Variants in ADAMTS18 observed in about 807,000 individuals in gnomAD.
The protein encoded by ADAMTS18 is ADAM metallopeptidase with thrombospondin type 1 motif 18.
ADAMTS18 carries 157 observed loss-of-function variants against 165.9 expected under a neutral mutation model. The ratio of observed to expected loss-of-function variants is 0.95; its 90% CI spans 0.83 to 1.08. ADAMTS18 has a LOEUF of 1.08. Ranked by LOEUF, ADAMTS18 falls within the 50% of genes least tolerant of loss-of-function variation. ADAMTS18 has a pLI of 0.00. For synonymous variants in ADAMTS18, 782 were observed against 578.2 expected (o/e 1.35, Z -5.06); for missense variants, 2,040 against 1,534.0 (o/e 1.33, Z -5.51).
At chr16:77,384,179 G>C (rs2057073539) in intron 3 of ADAMTS18, among the ~76,000 whole-genome samples, 1 of 152,140 alleles carries the variant, frequency 6.6e-6, no homozygotes, top group Admixed American at 6.5e-5. Flanking sequence ...ATGGTGCTAA[G>C]GGAGACATAA....
chr16:77,403,744 C>T (rs1283161879), intron 3 of ADAMTS18, among the ~76,000 whole-genome samples: 1 of 152,142 alleles, frequency 6.6e-6, no homozygotes, highest in Non-Finnish European at 1.5e-5. Flanking sequence ...ATCAGAGATG[C>T]TGGGAAAAAT....
intron 3 of ADAMTS18, among the ~76,000 whole-genome samples, chr16:77,382,117 G>C (rs1253326951): frequency 6.6e-6 from 1 of 152,146 alleles, no homozygotes; most frequent in Non-Finnish European, 1.5e-5. Flanking sequence ...ATATATTTGG[G>C]AGAGACATAT....
At chr16:77,321,744 A>G (rs937204179) in intron 14 of ADAMTS18, among the ~76,000 whole-genome samples, 1 of 152,250 alleles carries the variant, frequency 6.6e-6, no homozygotes, top group Admixed American at 6.5e-5. Context: ...TTTCATTTTT[A>G]CAACTCCTGT....
rs2056623346 is a variant in ADAMTS18 at position 77,355,948 on chromosome 16, T to C, written c.1452A>G (p.Lys484=). ...WSSCSRQYLK[K]FLSTPQAGCL... ...GATTTAACCTGTCATACCTGAGGAA[T>C]TTCTTGAGATACTGGCGGCTGCAGG... Residue 484 remains lysine (K), a synonymous_variant, in exon 9 of 23, where the codon AAA becomes AAG. Coordinates refer to ENST00000282849, the MANE Select transcript of ADAMTS18 (RefSeq NM_199355.4). 2 of 1,614,036 alleles carry C rather than the reference T, an allele frequency of 1.2e-6. No individual in the cohort carries two copies. Among genetic ancestry groups the C allele is most frequent in the Non-Finnish European group, 1.7e-6 (2 of 1,179,928 alleles).
At chr16:77,425,558 G>A (rs2057660801) in intron 3 of ADAMTS18, among the ~76,000 whole-genome samples, 1 of 152,188 alleles carries the variant, frequency 6.6e-6, no homozygotes, top group Admixed American at 6.5e-5. Context: ...CTTTTTGCAT[G>A]TCTTTTCAAT....
At chr16:77,342,607 T>C (rs1225286859) in intron 10 of ADAMTS18, among the ~76,000 whole-genome samples, 3 of 152,150 alleles carry the variant, frequency 2.0e-5, no homozygotes, top group East Asian at 1.9e-4. Context: ...TTCGTCTCTA[T>C]TGCAGTTTTC....
chr16:77,338,326 C>T (rs940155492), intron 11 of ADAMTS18, among the ~76,000 whole-genome samples: 2 of 152,090 alleles, frequency 1.3e-5, no homozygotes, highest in African/African-American at 4.8e-5. Flanking sequence ...GCCTCCACCT[C>T]CCGGATTTAA....
At chr16:77,380,661 T>C (rs2057017504) in intron 3 of ADAMTS18, among the ~76,000 whole-genome samples, 1 of 152,234 alleles carries the variant, frequency 6.6e-6, no homozygotes, top group Admixed American at 6.5e-5. Flanking sequence ...CCATAACCTA[T>C]GCTTCAGCAT....
At chr16:77,367,275 T>C (rs979779767) in intron 4 of ADAMTS18, among the ~76,000 whole-genome samples, 166 bp downstream of exon 4, 4 of 152,208 alleles carry the variant, frequency 2.6e-5, no homozygotes, top group African/African-American at 4.8e-5. Flanking sequence ...CCTAGAATAA[T>C]TGATCATCCA....
chr16:77,398,403 G>A (rs1028816212), intron 3 of ADAMTS18, among the ~76,000 whole-genome samples: 1 of 152,102 alleles, frequency 6.6e-6, no homozygotes, highest in Non-Finnish European at 1.5e-5. Flanking sequence ...ACCCCAGGGA[G>A]TGGTATAACA....
intron 3 of ADAMTS18, among the ~76,000 whole-genome samples, chr16:77,411,410 G>T (rs1017865947): frequency 6.6e-6 from 1 of 152,092 alleles, no homozygotes; most frequent in South Asian, 2.1e-4. Context: ...CCTGCTTGGC[G>T]CTTGAGACAT....
At chr16:77,369,342 C>G (rs2056844086) in intron 3 of ADAMTS18, among the ~76,000 whole-genome samples, 1 of 151,992 alleles carries the variant, frequency 6.6e-6, no homozygotes, top group South Asian at 2.1e-4. Flanking sequence ...TCATTTATTA[C>G]TGCTTGGATC....
At chr16:77,310,535 C>T (rs1403615952) in intron 16 of ADAMTS18, among the ~76,000 whole-genome samples, 1 of 138,214 alleles carries the variant, frequency 7.2e-6, no homozygotes, top group Non-Finnish European at 1.5e-5. Context: ...CATGTTGCTT[C>T]CCAAAAGAAT....
intron 20 of ADAMTS18, among the ~76,000 whole-genome samples, chr16:77,291,953 CCCAACCTCTCA>C (rs1567456319): frequency 6.6e-6 from 1 of 152,138 alleles, no homozygotes; most frequent in Non-Finnish European, 1.5e-5. Flanking sequence ...TTTAAATATA[CCCAACCTCTCA>C]CACACAGGAG....
chr16:77,361,218 G>C (rs1159401000), intron 7 of ADAMTS18, among the ~76,000 whole-genome samples: 3 of 152,214 alleles, frequency 2.0e-5, no homozygotes, highest in Admixed American at 2.0e-4. Flanking sequence ...GGCCTGCATA[G>C]CTTAACATAT....
At chr16:77,318,536 G>C (rs1267766372) in intron 16 of ADAMTS18, among the ~76,000 whole-genome samples, 1 of 152,170 alleles carries the variant, frequency 6.6e-6, no homozygotes, top group Non-Finnish European at 1.5e-5. Flanking sequence ...TTCAGGAAAT[G>C]AATGCATGAA....
chr16:77,325,811 A>C (rs2144650490), intron 13 of ADAMTS18, 55 bp downstream of exon 13: 3 of 1,540,678 alleles, frequency 1.9e-6, no homozygotes. Context: ...TGTATTGGTC[A>C]ATCACATTAT....
At chr16:77,339,583 T>C (rs1178820097) in intron 11 of ADAMTS18, among the ~76,000 whole-genome samples, 1 of 142,574 alleles carries the variant, frequency 7.0e-6, no homozygotes, top group Non-Finnish European at 1.5e-5. Context: ...TAGGTAACGA[T>C]GTTGCTTTTT....
intron 10 of ADAMTS18, among the ~76,000 whole-genome samples, chr16:77,348,154 T>G (rs1216621178): frequency 6.6e-6 from 1 of 152,192 alleles, no homozygotes; most frequent in Admixed American, 6.5e-5. Context: ...CTAATCTTGC[T>G]CAGATTATTT....
Sources: allele counts gnomAD v4.1 joint callset (sites outside exome capture counted in the v4.1 genomes callset), GRCh38; gene constraint gnomAD v4.1.1; transcripts MANE v1.5; gene names NCBI Gene and HGNC (gene_info 2026-07-23, HGNC 2026-07-21).